SULT6B1: variants seen among roughly 807,000 people sequenced by gnomAD.
The protein encoded by SULT6B1 is sulfotransferase family 6B member 1, also known as sulfotransferase 6B1.
In SULT6B1, 44 loss-of-function variants were observed where a neutral mutation model predicts 37.2. The observed-to-expected ratio is 1.18, with a 90% confidence interval of 0.93 to 1.52. The LOEUF (loss-of-function observed/expected upper bound fraction) is 1.52, where lower values mean the gene tolerates loss of function less well. SULT6B1 is among the 40% of genes most tolerant of loss of function. The probability of loss-of-function intolerance (pLI) is 0.00; values close to 1 mark genes in which losing one functional copy is unlikely to be tolerated. For synonymous variants in SULT6B1, 140 were observed against 126.0 expected, an observed-to-expected ratio of 1.11 and a Z score of -0.74; for missense variants, 450 against 361.0, an observed-to-expected ratio of 1.25 and a Z score of -2.00.
At chr2:37,179,628 G>A (rs1049509627) in intron 3 of SULT6B1, 44 bp from the exon 4 acceptor site, 7 of 1,574,084 alleles carry the variant, frequency 4.4e-6, no homozygotes, top group Non-Finnish European at 6.1e-6. Context: ...TCTATGTTTT[G>A]AAATTTGGAA....
chr2:37,167,884 AC>A lies in SULT6B1; in HGVS notation c.*50del, dbSNP rs748419804. 3.2e-4 allele frequency: 466 copies of A among 1,453,976 alleles called. 1 individual carries two copies. Among genetic ancestry groups the A allele is most frequent in the Middle Eastern group, 1.4e-3 (8 of 5,606 alleles). 90.1% of individuals were successfully genotyped at this position (1,453,976 alleles called of 1,614,324 possible). On this transcript the variant is annotated 3_prime_UTR_variant, in exon 7 of 7. Coordinates refer to ENST00000535679, the MANE Select transcript of SULT6B1 (RefSeq NM_001367551.1). ...ATTGAATTATCATTTAATTATTTAC[AC>A]TTAATTATTATTAAGGAAAATAAAT...
chr2:37,178,791 T>G (rs919774730), intron 4 of SULT6B1, among the ~76,000 whole-genome samples: 7 of 152,188 alleles, frequency 4.6e-5, no homozygotes, highest in African/African-American at 1.7e-4. Context: ...GTGTCATGGT[T>G]TTTTAAAAAA....
intron 6 of SULT6B1, among the ~76,000 whole-genome samples, chr2:37,170,640 G>A (rs759148860): frequency 6.0e-5 from 9 of 149,260 alleles, no homozygotes; most frequent in Non-Finnish European, 8.9e-5. Flanking sequence ...GCGTGGTGGC[G>A]CACACAAGAA....
Position 37,181,023 on chromosome 2 carries a change from A to T in SULT6B1, c.403-1439T>A, listed in dbSNP as rs141001307. Among the ~76,000 whole-genome samples the T allele has an allele frequency of 6.6e-5, 10 of 152,344 alleles. No homozygotes were observed. In the East Asian group the frequency reaches 1.4e-3, roughly 21 times the overall value. On this transcript the variant is annotated intron_variant, in intron 3 of 6. Transcript: ENST00000535679. ...GTTTTAATGAATCATTTAGGTAAAG[A>T]TATAGAAGCTATATTTACCAAATTT...
intron 1 of SULT6B1, chr2:37,194,597 C>T (rs1475890793): frequency 5.4e-6 from 2 of 369,988 alleles, no homozygotes; most frequent in Non-Finnish European, 1.1e-5. Flanking sequence ...ATTTCCGGAT[C>T]TCTTTGAGTG....
At chr2:37,185,967 C>T (rs1400919360) in intron 2 of SULT6B1, among the ~76,000 whole-genome samples, 1 of 152,090 alleles carries the variant, frequency 6.6e-6, no homozygotes, top group African/African-American at 2.4e-5. Context: ...GTACAGGTGA[C>T]CCTCCCTGCT....
intron 5 of SULT6B1, among the ~76,000 whole-genome samples, chr2:37,173,980 A>G (rs1676359923): frequency 6.6e-6 from 1 of 152,100 alleles, no homozygotes; most frequent in South Asian, 2.1e-4. Flanking sequence ...AGCCAGAGTG[A>G]GTGGCATACT....
chr2:37,170,204 G>A (rs569983394), intron 6 of SULT6B1, among the ~76,000 whole-genome samples: 2 of 152,104 alleles, frequency 1.3e-5, no homozygotes, highest in African/African-American at 2.4e-5. Flanking sequence ...GGTGGCTCAC[G>A]CCTGTAATCC....
chr2:37,187,327 T>G (rs1558452074), intron 2 of SULT6B1, 28 bp downstream of exon 2: 6 of 1,374,390 alleles, frequency 4.4e-6, no homozygotes, highest in Non-Finnish European at 6.2e-6. Flanking sequence ...GATAATTTGC[T>G]GTAAGGTTAA....
At chr2:37,186,717 C>A (rs7565331) in intron 2 of SULT6B1, among the ~76,000 whole-genome samples, 61,973 of 151,586 alleles carry the variant, frequency 0.41, 12,980 homozygotes, top group African/African-American at 0.45. Context: ...CGAAATGAAA[C>A]CCTACCTCTA....
chr2:37,193,784 A>G (rs1311714403), intron 1 of SULT6B1, among the ~76,000 whole-genome samples: 1 of 152,206 alleles, frequency 6.6e-6, no homozygotes, highest in East Asian at 1.9e-4. Flanking sequence ...GCCACTACAG[A>G]AGACTGGGAT....
intron 3 of SULT6B1, among the ~76,000 whole-genome samples, chr2:37,183,000 C>A (rs1330273746): frequency 1.3e-5 from 2 of 152,098 alleles, no homozygotes; most frequent in African/African-American, 2.4e-5. Context: ...GCCTGGGCAA[C>A]ATAGTGAGAT....
At chr2:37,185,717 CAAAAA>C (rs200087048) in intron 2 of SULT6B1, among the ~76,000 whole-genome samples, 5 of 83,374 alleles carry the variant, frequency 6.0e-5, no homozygotes, top group African/African-American at 9.7e-5. Context: ...GACTCCATTT[CAAAAA>C]AAAAAAAAAA....
intron 1 of SULT6B1, chr2:37,194,271 G>C (rs2430492): frequency 0.023 from 4,278 of 183,200 alleles, 186 homozygotes; most frequent in African/African-American, 0.095. Context: ...GTAGAGACAG[G>C]GTTTCACCAT....
upstream of SULT6B1, among the ~76,000 whole-genome samples, chr2:37,190,241 CT>C (rs1274759069): frequency 5.9e-5 from 9 of 152,164 alleles, no homozygotes; most frequent in Admixed American, 5.9e-4. Context: ...CTGTATATTT[CT>C]TCTTATTTCT....
At chr2:37,190,148 T>C (rs1676752975), upstream of SULT6B1, among the ~76,000 whole-genome samples, 1 of 152,246 alleles carries the variant, frequency 6.6e-6, no homozygotes, top group Non-Finnish European at 1.5e-5. Context: ...TATAGCAGTT[T>C]AGCCTATATC....
upstream of SULT6B1, among the ~76,000 whole-genome samples, chr2:37,191,574 T>C (rs1470039949): frequency 6.6e-6 from 1 of 152,208 alleles, no homozygotes; most frequent in Non-Finnish European, 1.5e-5. Context: ...CAAGTTCTTG[T>C]CCTGCATTCA....
intron 4 of SULT6B1, among the ~76,000 whole-genome samples, chr2:37,177,912 T>C (rs561196880): frequency 3.3e-5 from 5 of 152,230 alleles, no homozygotes; most frequent in Non-Finnish European, 7.3e-5. Flanking sequence ...TCCAGGGTCA[T>C]TGGGCTTTAA....
chr2:37,193,451 G>C (rs1339661057), upstream of SULT6B1, among the ~76,000 whole-genome samples: 1 of 151,712 alleles, frequency 6.6e-6, no homozygotes, highest in Non-Finnish European at 1.5e-5. Flanking sequence ...GACAGAGTGA[G>C]ACTCTGTCTC....
Sources: gnomAD v4.1 joint callset for allele counts (sites outside exome capture counted in the v4.1 genomes callset) on GRCh38, gnomAD v4.1.1 for gene constraint, MANE v1.5 for transcripts, NCBI Gene and HGNC (gene_info 2026-07-23, HGNC 2026-07-21) for gene names.